The following KIRREL1 variants were observed in gnomAD, a reference collection of about 807,000 sequenced individuals.
KIRREL1 encodes kin of IRRE-like protein 1.
In KIRREL1, 25 loss-of-function variants were observed where a neutral mutation model predicts 83.3. The ratio of observed to expected loss-of-function variants is 0.30; its 90% confidence interval spans 0.22 to 0.42. The LOEUF is 0.42. KIRREL1 is among the 10% of genes least tolerant of loss of function. KIRREL1 has a pLI of 1.00. For synonymous variants in KIRREL1, 388 were observed against 410.4 expected, an observed-to-expected ratio of 0.95 and a Z score of 0.66; for missense variants, 812 against 1,032.3, an observed-to-expected ratio of 0.79 and a Z score of 2.92.
chr1:158,052,484 A>C (rs1570953999), intron 1 of KIRREL1, among the ~76,000 whole-genome samples: 1 of 152,298 alleles, frequency 6.6e-6, no homozygotes, highest in Middle Eastern at 3.4e-3. Flanking sequence ...TAATTTATAA[A>C]GAAAAGAGAT....
rs537859629 is a variant in KIRREL1, at chr1:158,019,183, C to T, written c.52+25455C>T. ...TAAGTCAGTGCATTGTCATGATGAA[C>T]ATGTGGACAAAGGCAAGAAAAGGGA... On this transcript the variant is annotated intron_variant, in intron 1 of 14. Transcript: ENST00000359209. Among the ~76,000 whole-genome samples the T allele has an allele frequency of 3.9e-5, 6 of 152,036 alleles. No individual in the cohort carries two copies. The South Asian group carries it at 1.2e-3, about 32-fold the overall frequency.
chr1:158,025,935 G>A (rs1660157062), intron 1 of KIRREL1, among the ~76,000 whole-genome samples: 1 of 151,992 alleles, frequency 6.6e-6, no homozygotes, highest in African/African-American at 2.4e-5. Flanking sequence ...CGTGAAGGGA[G>A]GATGGGCTGG....
intron 1 of KIRREL1, among the ~76,000 whole-genome samples, chr1:158,038,161 G>A (rs1465704999): frequency 1.3e-5 from 2 of 152,238 alleles, no homozygotes; most frequent in Non-Finnish European, 2.9e-5. Flanking sequence ...AGAGGTCCGT[G>A]TGGTGACTCC....
intron 3 of KIRREL1, among the ~76,000 whole-genome samples, chr1:158,082,321 G>A (rs1558014660): frequency 6.6e-6 from 1 of 151,934 alleles, no homozygotes; most frequent in Non-Finnish European, 1.5e-5. Flanking sequence ...CTTCTCTGAT[G>A]AAGAAACTGA....
In KIRREL1 at chr1:158,094,672, G is replaced by A. The variant is rs147886424; in HGVS notation, c.1826G>A (p.Arg609His). The A allele has an allele frequency of 2.2e-5, 36 of 1,607,164 alleles. No homozygotes were observed. The highest frequency in any genetic ancestry group is 9.4e-5 in the African/African-American group (7 of 74,804). ...CCCACCAATGGCTACTACAACGTGC[G>A]TGCCCATGAAGACCGCCCGTCTTCC... is the stretch of plus-strand genomic sequence containing the variant. ...KDPTNGYYNV[R>H]AHEDRPSSRA... The change falls in exon 15 of 15, where the codon CGT (arginine) becomes CAT (histidine). Residue 609 changes from arginine (R) to histidine (H), a missense_variant. Physicochemically the swap from Arg to His is conservative, Grantham distance 29. Transcript: ENST00000359209. This position sits in a 1 kb window ranked among gnomAD's most constrained non-coding sequence, Gnocchi z 4.6.
At chr1:158,048,117 T>C (rs918460905) in intron 1 of KIRREL1, among the ~76,000 whole-genome samples, 1 of 152,220 alleles carries the variant, frequency 6.6e-6, no homozygotes, top group Non-Finnish European at 1.5e-5. Flanking sequence ...TCATACTTTC[T>C]AGGCCAGCAG....
At chr1:157,995,191 G>A (rs1659161414) in intron 1 of KIRREL1, among the ~76,000 whole-genome samples, 1 of 152,158 alleles carries the variant, frequency 6.6e-6, no homozygotes, top group Admixed American at 6.5e-5. Flanking sequence ...CTCCTTGTCG[G>A]GTCTCTTCCC....
chr1:158,067,516 G>T (rs187291799), intron 1 of KIRREL1, among the ~76,000 whole-genome samples: 29 of 152,306 alleles, frequency 1.9e-4, no homozygotes, highest in Admixed American at 5.2e-4. Flanking sequence ...AGGTCAGCAG[G>T]AGGCAGGGTT....
chr1:158,073,229 ACT>A (rs1306434587), intron 1 of KIRREL1, among the ~76,000 whole-genome samples: 1 of 151,646 alleles, frequency 6.6e-6, no homozygotes, highest in East Asian at 1.9e-4. Context: ...TCCTTTCTGG[ACT>A]CTCTGCAAGG....
At chr1:158,037,359 G>T (rs1456803688) in intron 1 of KIRREL1, among the ~76,000 whole-genome samples, 1 of 152,116 alleles carries the variant, frequency 6.6e-6, no homozygotes, top group Non-Finnish European at 1.5e-5. Flanking sequence ...TGGGCGTGGT[G>T]GCACATGCCT....
intron 1 of KIRREL1, among the ~76,000 whole-genome samples, chr1:157,994,917 A>C (rs989092698): frequency 6.6e-6 from 1 of 152,128 alleles, no homozygotes; most frequent in Non-Finnish European, 1.5e-5. Context: ...GAACGTTACA[A>C]CTATACACAG....
rs760341624 is a variant in KIRREL1 at position 158,097,064 on chromosome 1, C to T, written c.*1944C>T. 6.6e-6 allele frequency: 3 copies of T among 456,672 alleles called. No homozygotes were observed. Among genetic ancestry groups the T allele is most frequent in the South Asian group, 4.6e-5 (3 of 64,572 alleles). 28.3% of individuals were successfully genotyped at this position (456,672 alleles called of 1,614,324 possible). ...ACTTCACAGGAAGTCTGTGCATCCTCCTTCATTTCAGCAGGGAAAACTCCT... is the reference window on the plus strand; with the variant it reads ...ACTTCACAGGAAGTCTGTGCATCCTTCTTCATTTCAGCAGGGAAAACTCCT... On this transcript the variant is annotated 3_prime_UTR_variant, in exon 15 of 15. Transcript: ENST00000359209.
At chr1:158,029,775 T>C (rs910609406) in intron 1 of KIRREL1, among the ~76,000 whole-genome samples, 1 of 152,234 alleles carries the variant, frequency 6.6e-6, no homozygotes, top group African/African-American at 2.4e-5. Flanking sequence ...TGAGTCTCAG[T>C]TGCCTCACAT....
At chr1:158,032,407 G>A (rs544296239) in intron 1 of KIRREL1, among the ~76,000 whole-genome samples, 11 of 152,322 alleles carry the variant, frequency 7.2e-5, no homozygotes, top group African/African-American at 2.2e-4. Context: ...TTCCTCTAGC[G>A]TCTCAATCTC....
At chr1:158,085,312 G>A (rs573523717) in intron 4 of KIRREL1, among the ~76,000 whole-genome samples, 3 of 152,336 alleles carry the variant, frequency 2.0e-5, no homozygotes, top group South Asian at 4.1e-4. Context: ...TCAGTGTGGA[G>A]ACAGAGATGT....
At chr1:158,086,382 T>C (rs55705020) in intron 4 of KIRREL1, among the ~76,000 whole-genome samples, 1 of 151,726 alleles carries the variant, frequency 6.6e-6, no homozygotes, top group Non-Finnish European at 1.5e-5. Context: ...CCTAAAAATA[T>C]ATAACTTTTA....
chr1:158,097,084 ACTC>A lies in KIRREL1; in HGVS notation c.*1967_*1969del, dbSNP rs752106018. The A allele has an allele frequency of 6.6e-6, 3 of 455,758 alleles. No individual in the cohort carries two copies. Among genetic ancestry groups the A allele is most frequent in the South Asian group, 1.6e-5 (1 of 64,476 alleles). The allele number at this position is 455,758 out of a possible 1,614,324, so 28.2% of individuals were successfully genotyped here. Reference sequence around the variant, plus strand: ...ATCCTCCTTCATTTCAGCAGGGAAAACTCCTGTGGAGTGGGCCCTATCTGGGGC... The same window carrying A: ...ATCCTCCTTCATTTCAGCAGGGAAAACTGTGGAGTGGGCCCTATCTGGGGC... On this transcript the variant is annotated 3_prime_UTR_variant, in exon 15 of 15. Transcript: ENST00000359209.
At chr1:158,068,302 A>T (rs930012134) in intron 1 of KIRREL1, among the ~76,000 whole-genome samples, 2 of 152,208 alleles carry the variant, frequency 1.3e-5, no homozygotes, top group Non-Finnish European at 2.9e-5. Flanking sequence ...ATCACCTGAC[A>T]TCTACGTGTA....
At chr1:158,082,192 G>A (rs908364168) in intron 3 of KIRREL1, among the ~76,000 whole-genome samples, 17 of 152,094 alleles carry the variant, frequency 1.1e-4, no homozygotes, top group African/African-American at 1.7e-4. Flanking sequence ...TGCTACTCTC[G>A]TCCAGGCAGT....
Sources: gnomAD v4.1 joint callset for allele counts (sites outside exome capture counted in the v4.1 genomes callset) on GRCh38, gnomAD v4.1.1 for gene constraint, Gnocchi (gnomAD v3.1) non-coding constraint, MANE v1.5 for transcripts, NCBI Gene and HGNC (gene_info 2026-07-23, HGNC 2026-07-21) for gene names.